The following CDH3 variants were observed in gnomAD, a reference collection of about 807,000 sequenced individuals.
CDH3 encodes cadherin-3.
CDH3 carries 54 observed loss-of-function variants against 82.0 expected under a neutral mutation model. The observed-to-expected ratio is 0.66, with a 90% CI of 0.53 to 0.83. The LOEUF (loss-of-function observed/expected upper bound fraction) is 0.83. CDH3 is among the 40% of genes least tolerant of loss of function. The pLI is 0.00. For missense variants in CDH3, 1,054 were observed against 1,084.6 expected, an observed-to-expected ratio of 0.97 and a Z score of 0.40; for synonymous variants, 446 against 437.9, an observed-to-expected ratio of 1.02 and a Z score of -0.23.
At chr16:68,658,716 G>T (rs539679824) in intron 2 of CDH3, among the ~76,000 whole-genome samples, 1 of 151,990 alleles carries the variant, frequency 6.6e-6, no homozygotes, top group South Asian at 2.1e-4. Context: ...GCTTCCCACC[G>T]TACTTCGAAA....
intron 3 of CDH3, among the ~76,000 whole-genome samples, chr16:68,677,206 G>C (rs527936356): frequency 6.6e-6 from 1 of 152,194 alleles, no homozygotes; most frequent in East Asian, 1.9e-4. Flanking sequence ...ACTTAACAGT[G>C]TATCAGCACA....
chr16:68,646,510 CCT>C (rs1491050989), intron 2 of CDH3, among the ~76,000 whole-genome samples: 234 of 140,122 alleles, frequency 1.7e-3, no homozygotes, highest in Non-Finnish European at 2.8e-3. Context: ...CTACCCCCCC[CCT>C]CCCCGCCCCA....
intron 1 of CDH3, among the ~76,000 whole-genome samples, chr16:68,714,233 C>T (rs1433585019): frequency 6.6e-6 from 1 of 152,166 alleles, no homozygotes; most frequent in East Asian, 1.9e-4. Flanking sequence ...CGCACCCAGC[C>T]CCCCAGTTAG....
At chr16:68,700,497 A>T (rs1961875043), downstream of CDH3, among the ~76,000 whole-genome samples, 1 of 152,210 alleles carries the variant, frequency 6.6e-6, no homozygotes, top group Non-Finnish European at 1.5e-5. Flanking sequence ...CTTTGGATGG[A>T]GAAACCAAAA....
chr16:68,670,871 G>A (rs982020561), intron 2 of CDH3, among the ~76,000 whole-genome samples: 6 of 151,900 alleles, frequency 3.9e-5, no homozygotes, highest in African/African-American at 7.3e-5. Context: ...CCAGGAGTTC[G>A]AGACCACCCT....
At chr16:68,667,515 C>A (rs1225553270) in intron 2 of CDH3, among the ~76,000 whole-genome samples, 1 of 152,146 alleles carries the variant, frequency 6.6e-6, no homozygotes, top group African/African-American at 2.4e-5. Flanking sequence ...TAATGTTGGA[C>A]ATCAGGACCA....
chr16:68,727,057 G>A (rs990325299), intron 2 of CDH3, among the ~76,000 whole-genome samples: 2 of 152,188 alleles, frequency 1.3e-5, no homozygotes, highest in Admixed American at 1.3e-4. Context: ...ACACCCACGT[G>A]GATGGGCACC....
chr16:68,727,823 C>T (rs1268832928), downstream of CDH3, among the ~76,000 whole-genome samples: 10 of 152,006 alleles, frequency 6.6e-5, no homozygotes, highest in African/African-American at 2.4e-4. Context: ...ACAGGAGAAT[C>T]GCTTGAAATC....
In CDH3 at chr16:68,686,841, G is replaced by A. The variant is rs147852753; in HGVS notation, c.1571-671G>A. On this transcript the variant is annotated intron_variant, in intron 11 of 15. Transcript: ENST00000264012. ...AAATAAGCTGGGTGTGGTGGCACACGCCTGTAGTCCCAGCTACTCAGGAGG... is the reference window on the plus strand; with the variant it reads ...AAATAAGCTGGGTGTGGTGGCACACACCTGTAGTCCCAGCTACTCAGGAGG... 3.6e-3 allele frequency among the ~76,000 whole-genome samples: 544 copies of A among 152,220 alleles called. 4 individuals carry two copies. Among genetic ancestry groups the A allele is most frequent in the Middle Eastern group, 6.8e-3 (2 of 294 alleles).
chr16:68,685,708 G>A (rs190076085), intron 11 of CDH3, among the ~76,000 whole-genome samples: 1 of 152,356 alleles, frequency 6.6e-6, no homozygotes, highest in African/African-American at 2.4e-5. Context: ...TCCGGACGCA[G>A]AGGCAGAAGA....
At chr16:68,691,373 A>T (rs772232274) in intron 12 of CDH3, among the ~76,000 whole-genome samples, 87 of 152,320 alleles carry the variant, frequency 5.7e-4, no homozygotes, top group Non-Finnish European at 1.1e-3. Flanking sequence ...TTTAGGAAGA[A>T]TATTCTTTTT....
chr16:68,671,808 T>C (rs529445454), intron 2 of CDH3, among the ~76,000 whole-genome samples: 4 of 152,234 alleles, frequency 2.6e-5, no homozygotes, highest in Admixed American at 6.5e-5. Flanking sequence ...AGGCGTGAGA[T>C]ACCATGCCTG....
intron 3 of CDH3, among the ~76,000 whole-genome samples, chr16:68,677,808 T>C (rs1197712172): frequency 1.3e-5 from 2 of 152,236 alleles, no homozygotes; most frequent in Non-Finnish European, 2.9e-5. Flanking sequence ...TTCTTATTTT[T>C]AGAGCTGCAT....
In CDH3 at chr16:68,713,988, C is replaced by T. The variant is rs541139828; in HGVS notation, c.100-8437C>T. ...TCGCTCTGTCACCCAGGCTGGAGTG[C>T]GGTGGCTCGATCTCAGCTCACTGCA... On this transcript the variant is annotated intron_variant, in intron 1 of 2. Transcript: ENST00000569080. Among the ~76,000 whole-genome samples, 4 of 151,912 alleles carry T rather than the reference C, an allele frequency of 2.6e-5. No individual in the cohort carries two copies. The South Asian group carries it at 6.3e-4, about 24-fold the overall frequency.
chr16:68,684,449 G>A (rs944898363), intron 9 of CDH3, 134 bp from the exon 10 acceptor site: 24 of 1,001,380 alleles, frequency 2.4e-5, no homozygotes, highest in Non-Finnish European at 3.5e-5. Context: ...ATGTTACAGA[G>A]AAAGGGCAGC....
At chr16:68,656,688 C>G (rs11643840) in intron 2 of CDH3, among the ~76,000 whole-genome samples, 1 of 151,992 alleles carries the variant, frequency 6.6e-6, no homozygotes, top group Non-Finnish European at 1.5e-5. Context: ...GACCATTTGG[C>G]AATCAGGGTG....
chr16:68,676,445 CT>C lies in CDH3; in HGVS notation c.222del (p.Val75CysfsTer13), dbSNP rs767009501. 3 of 1,613,838 alleles carry C rather than the reference CT, an allele frequency of 1.9e-6. No individual in the cohort carries two copies. The Admixed American group carries it at 5.0e-5, about 27-fold the overall frequency. On this transcript the variant is annotated frameshift_variant, in exon 3 of 16. Coordinates refer to ENST00000264012, the MANE Select transcript of CDH3 (RefSeq NM_001793.6). LOFTEE classifies it high-confidence loss of function. ...TTTAGCACTGATAATGATGACTTCA[CT>C]GTGCGGAATGGCGAGACAGTCCAGG... ...ALFSTDNDDF[T>X]VRNGETVQER... is the part of the protein sequence containing the mutation.
At chr16:68,710,864 A>C (rs939947413) in intron 1 of CDH3, among the ~76,000 whole-genome samples, 7 of 148,468 alleles carry the variant, frequency 4.7e-5, no homozygotes, top group Non-Finnish European at 1.0e-4. Flanking sequence ...AAGGAGAGAA[A>C]GAGAAAAAGG....
chr16:68,705,957 C>T (rs983788382), intron 1 of CDH3, among the ~76,000 whole-genome samples: 1 of 148,600 alleles, frequency 6.7e-6, no homozygotes, highest in Non-Finnish European at 1.5e-5. Flanking sequence ...CCCAGCTACT[C>T]GGGAGGCTGA....
Sources: gnomAD v4.1 joint callset for allele counts (sites outside exome capture counted in the v4.1 genomes callset) on GRCh38, gnomAD v4.1.1 for gene constraint, MANE v1.5 for transcripts, NCBI Gene and HGNC (gene_info 2026-07-23, HGNC 2026-07-21) for gene names.